Variants in CEP63 observed in about 807,000 individuals in gnomAD.
CEP63 encodes the protein centrosomal protein of 63 kDa.
A neutral mutation model predicts 89.1 loss-of-function variants in CEP63; 84 were observed. The observed-to-expected ratio is 0.94, with a 90% CI of 0.79 to 1.13. The LOEUF (loss-of-function observed/expected upper bound fraction) is 1.13. Among genes scored for constraint, CEP63 ranks in the 50% most tolerant of loss-of-function variants. The pLI is 0.00. For missense variants in CEP63, 838 were observed against 813.3 expected, an observed-to-expected ratio of 1.03 and a Z score of -0.37; for synonymous variants, 267 against 272.5, an observed-to-expected ratio of 0.98 and a Z score of 0.20.
At chr3:134,684,099 C>T in the CEP63 span, among the ~76,000 whole-genome samples, 1 of 152,092 alleles carries the variant, frequency 6.6e-6, no homozygotes, top group African/African-American at 2.4e-5. Flanking sequence ...GCAAATGGTC[C>T]TAAGACTTTT....
intron 6 of CEP63, among the ~76,000 whole-genome samples, chr3:134,540,294 T>C (rs1577204016): frequency 6.6e-6 from 1 of 152,200 alleles, no homozygotes; most frequent in Non-Finnish European, 1.5e-5. Context: ...TTCCCCCCTA[T>C]CGTTAAATGT....
chr3:134,502,006 G>A (rs1397733638), intron 2 of CEP63, among the ~76,000 whole-genome samples: 26 of 152,062 alleles, frequency 1.7e-4, no homozygotes, highest in Admixed American at 1.6e-3. Context: ...CGGTTCCTTC[G>A]ATGCCTAGTT....
At chr3:134,515,826 C>T (rs1290588934) in intron 3 of CEP63, among the ~76,000 whole-genome samples, 1 of 152,062 alleles carries the variant, frequency 6.6e-6, no homozygotes, top group Non-Finnish European at 1.5e-5. Flanking sequence ...AAAAAAAAAT[C>T]TTGTAATGTT....
At chr3:134,486,254 G>A in intron 1 of CEP63, 52 bp downstream of exon 1, 3 of 985,616 alleles carry the variant, frequency 3.0e-6, no homozygotes, top group Non-Finnish European at 3.6e-6. Flanking sequence ...GTAACCGCCG[G>A]TGCGCAAGTT....
chr3:134,666,715 C>G, the CEP63 span, among the ~76,000 whole-genome samples: 2 of 152,220 alleles, frequency 1.3e-5, no homozygotes, highest in Admixed American at 1.3e-4. Context: ...GGAGGAGTCT[C>G]TGTGGCCGGG....
chr3:134,736,335 A>G, the CEP63 span, among the ~76,000 whole-genome samples: 2 of 152,192 alleles, frequency 1.3e-5, no homozygotes, highest in African/African-American at 4.8e-5. Context: ...TTAACATTTT[A>G]CAAGAGGCTG....
intron 1 of CEP63, among the ~76,000 whole-genome samples, chr3:134,491,545 C>T (rs1023760793): frequency 3.9e-5 from 6 of 152,140 alleles, no homozygotes; most frequent in Non-Finnish European, 2.9e-5. Flanking sequence ...TTTTTATGTA[C>T]TCCTATTTCT....
At chr3:134,594,163 T>A in the CEP63 span, among the ~76,000 whole-genome samples, 1 of 152,220 alleles carries the variant, frequency 6.6e-6, no homozygotes, top group Non-Finnish European at 1.5e-5. Flanking sequence ...CGTCATTTTG[T>A]TCTAAATAAA....
At chr3:134,565,800 T>A (rs917250065), downstream of CEP63, among the ~76,000 whole-genome samples, 2 of 151,970 alleles carry the variant, frequency 1.3e-5, no homozygotes, top group Non-Finnish European at 2.9e-5. Flanking sequence ...AATCATAGAC[T>A]TAAGAAAAGC....
the CEP63 span, among the ~76,000 whole-genome samples, chr3:134,730,416 C>T: frequency 6.6e-6 from 1 of 152,060 alleles, no homozygotes; most frequent in African/African-American, 2.4e-5. Context: ...AACATAATTT[C>T]CATGTAAGTA....
At chr3:134,560,057 T>C (rs1957066612) in intron 14 of CEP63, among the ~76,000 whole-genome samples, 1 of 152,234 alleles carries the variant, frequency 6.6e-6, no homozygotes, top group Admixed American at 6.5e-5. Flanking sequence ...CTTATTAATG[T>C]GCTACCAAGT....
At chr3:134,574,642 C>T (rs1577503759) in intron 11 of CEP63, 1 of 400,332 alleles carries the variant, frequency 2.5e-6, no homozygotes, top group Non-Finnish European at 4.4e-6. Context: ...GAGTCCCACT[C>T]TGTCACCCAG....
At chr3:134,487,865 T>C (rs745893748) in intron 1 of CEP63, among the ~76,000 whole-genome samples, 35 of 152,272 alleles carry the variant, frequency 2.3e-4, no homozygotes, top group Non-Finnish European at 3.4e-4. Context: ...GTTTGGGTGA[T>C]GCACATTTGA....
chr3:134,492,405 A>G (rs1192599868), intron 1 of CEP63, among the ~76,000 whole-genome samples: 1 of 152,180 alleles, frequency 6.6e-6, no homozygotes. Flanking sequence ...AACTATGAGC[A>G]ACTCAGATGA....
At chr3:134,661,944 G>A in the CEP63 span, among the ~76,000 whole-genome samples, 7 of 152,258 alleles carry the variant, frequency 4.6e-5, no homozygotes, top group South Asian at 2.1e-4. Flanking sequence ...AAAGCAGTTC[G>A]AAAAACCTTC....
At chr3:134,513,474 G>C (rs1411218566) in intron 3 of CEP63, among the ~76,000 whole-genome samples, 2 of 152,110 alleles carry the variant, frequency 1.3e-5, no homozygotes, top group Admixed American at 6.6e-5. Context: ...AGGTAAGTTA[G>C]ATTTAAAAAA....
chr3:134,531,878 G>GA lies in CEP63; in HGVS notation c.262dup (p.Ile88AsnfsTer10). ...GTTGCATCAGCAGGTAGAAGAACATGAAAAAATCAAGCAAGAGATGACCAT... is the reference window on the plus strand; with the variant it reads ...GTTGCATCAGCAGGTAGAAGAACATGAAAAAAATCAAGCAAGAGATGACCAT... On this transcript the variant is annotated frameshift_variant, in exon 4 of 15. Coordinates refer to ENST00000675561, the MANE Select transcript of CEP63 (RefSeq NM_001353108.3). LOFTEE classifies it high-confidence loss of function. 1 of 1,613,570 alleles carries GA rather than the reference G, an allele frequency of 6.2e-7. No individual in the cohort carries two copies. Among genetic ancestry groups the GA allele is most frequent in the African/African-American group, 1.3e-5 (1 of 75,018 alleles).
chr3:134,680,198 G>A, the CEP63 span, among the ~76,000 whole-genome samples: 20 of 152,264 alleles, frequency 1.3e-4, 1 homozygote, highest in South Asian at 1.9e-3. Flanking sequence ...CCAGAGCTAT[G>A]AGAAAACAAA....
At chr3:134,640,053 G>A in the CEP63 span, 1 of 150,120 alleles carries the variant, frequency 6.7e-6, no homozygotes, top group East Asian at 2.0e-4. Context: ...ACCCACTACA[G>A]ATCCATCTCC....
Sources: gnomAD v4.1 joint callset for allele counts (sites outside exome capture counted in the v4.1 genomes callset) on GRCh38, gnomAD v4.1.1 for gene constraint, MANE v1.5 for transcripts, NCBI Gene and HGNC (gene_info 2026-07-23, HGNC 2026-07-21) for gene names.